SNTG1: variants seen among roughly 807,000 people sequenced by gnomAD.
SNTG1 encodes the protein syntrophin gamma 1.
Under a neutral mutation model 74.7 loss-of-function variants are expected in SNTG1, and 39 were observed. The ratio of observed to expected loss-of-function variants is 0.52; its 90% CI spans 0.40 to 0.68. The LOEUF (loss-of-function observed/expected upper bound fraction) is 0.68. SNTG1 is among the 30% of genes least tolerant of loss of function. The probability of loss-of-function intolerance (pLI) is 0.00; values close to 1 mark genes in which losing one functional copy is unlikely to be tolerated. For synonymous variants in SNTG1, 254 were observed against 217.1 expected (o/e 1.17, Z -1.49); for missense variants, 685 against 609.5 (o/e 1.12, Z -1.30).
chr8:50,520,043 C>G (rs1217295738), intron 9 of SNTG1, among the ~76,000 whole-genome samples: 1 of 152,138 alleles, frequency 6.6e-6, no homozygotes. Flanking sequence ...TCAAACAATA[C>G]TACAAGGCTG....
At position 50,669,113 on chromosome 8, in the gene SNTG1, T is replaced by A. The variant is rs528527778; in HGVS notation, c.1038+10450T>A. ...AAGATCCAAAATTGACACCCTAACA[T>A]CACAATTAAAAGAACTAGAAAAGCG... On this transcript the variant is annotated intron_variant, in intron 15 of 18. Transcript: ENST00000642720. Among the ~76,000 whole-genome samples the A allele has an allele frequency of 2.0e-4, 31 of 151,236 alleles. 1 individual carries two copies. The East Asian group carries it at 3.7e-3, about 18-fold the overall frequency.
chr8:50,732,979 G>C (rs184433698), intron 17 of SNTG1, among the ~76,000 whole-genome samples: 88 of 151,878 alleles, frequency 5.8e-4, no homozygotes, highest in Admixed American at 1.1e-3. Context: ...AAATGTGCAG[G>C]TTTGTTACAT....
intron 2 of SNTG1, among the ~76,000 whole-genome samples, chr8:50,200,074 G>A (rs1225139489): frequency 6.6e-6 from 1 of 152,076 alleles, no homozygotes; most frequent in Non-Finnish European, 1.5e-5. Flanking sequence ...TTTTAGAAAG[G>A]TGTATGTGAC....
intron 2 of SNTG1, among the ~76,000 whole-genome samples, chr8:50,332,887 A>T (rs1239957408): frequency 6.6e-6 from 1 of 152,176 alleles, no homozygotes; most frequent in African/African-American, 2.4e-5. Context: ...ATTTCTTCTC[A>T]AGTACAATTA....
At chr8:50,023,191 T>C (rs1816975025) in intron 1 of SNTG1, among the ~76,000 whole-genome samples, 1 of 152,036 alleles carries the variant, frequency 6.6e-6, no homozygotes, top group South Asian at 2.1e-4. Flanking sequence ...GAGGGACAGA[T>C]GGAAGAGACG....
In SNTG1 at chr8:50,601,152, C is replaced by CAAAAAAAAAAAAAAAAAAAAAA. The variant is rs71235311; in HGVS notation, c.849+10246_849+10267dup. Among the ~76,000 whole-genome samples, 3 of 31,438 alleles carry CAAAAAAAAAAAAAAAAAAAAAA rather than the reference C, an allele frequency of 9.5e-5. 1 individual carries two copies. The highest frequency in any genetic ancestry group is 5.9e-4 in the African/African-American group (3 of 5,080). The allele number at this position is 31,438 out of a possible 152,430, so 20.6% of individuals were successfully genotyped here. A position where few individuals can be genotyped will look rare whatever the true frequency, so the allele number is the denominator to read the frequency against. On this transcript the variant is annotated intron_variant, in intron 13 of 18. Transcript: ENST00000642720. Reference sequence around the variant, plus strand: ...CAGCCTGGTGACAGAGCCAGCGAGACAAAAAAAAAAAAAAAAAAAAAAAAA... The same window carrying CAAAAAAAAAAAAAAAAAAAAAA: ...CAGCCTGGTGACAGAGCCAGCGAGACAAAAAAAAAAAAAAAAAAAAAAAAAAAAAAAAAAAAAAAAAAAAAAA...
chr8:50,071,265 C>G (rs544559382), intron 1 of SNTG1, among the ~76,000 whole-genome samples: 180 of 152,256 alleles, frequency 1.2e-3, no homozygotes, highest in Non-Finnish European at 1.3e-3. Context: ...GTGGCATGAT[C>G]ATAGCTCACT....
chr8:50,324,026 G>A (rs2090635480), intron 2 of SNTG1, among the ~76,000 whole-genome samples: 1 of 152,128 alleles, frequency 6.6e-6, no homozygotes, highest in South Asian at 2.1e-4. Flanking sequence ...GCCCAGCCTA[G>A]CACTAGGATT....
intron 12 of SNTG1, among the ~76,000 whole-genome samples, chr8:50,571,778 G>A (rs1163826481): frequency 6.6e-6 from 1 of 152,162 alleles, no homozygotes; most frequent in African/African-American, 2.4e-5. Context: ...CTCCTACCAG[G>A]CATAGGAGTA....
intron 1 of SNTG1, among the ~76,000 whole-genome samples, chr8:50,088,741 C>T (rs1290572919): frequency 1.5e-4 from 22 of 147,052 alleles, no homozygotes. Flanking sequence ...AACCACTGCT[C>T]AAGGAAATAA....
At chr8:50,596,000 A>G (rs1363988980) in intron 13 of SNTG1, among the ~76,000 whole-genome samples, 1 of 152,000 alleles carries the variant, frequency 6.6e-6, no homozygotes, top group Non-Finnish European at 1.5e-5. Context: ...TAGTAGTGTA[A>G]TAACTCAATA....
chr8:50,598,855 A>AT (rs1166462038), intron 13 of SNTG1, among the ~76,000 whole-genome samples: 4 of 151,722 alleles, frequency 2.6e-5, no homozygotes, highest in African/African-American at 9.7e-5. Flanking sequence ...TTGCTTCCTA[A>AT]TTTTTTTATG....
At chr8:50,472,124 T>G (rs1490340408) in intron 8 of SNTG1, among the ~76,000 whole-genome samples, 2 of 152,154 alleles carry the variant, frequency 1.3e-5, no homozygotes, top group Non-Finnish European at 2.9e-5. Flanking sequence ...AACTACCCAT[T>G]GTAATTTACA....
At chr8:50,009,192 C>G (rs1298237623) in intron 1 of SNTG1, among the ~76,000 whole-genome samples, 1 of 152,060 alleles carries the variant, frequency 6.6e-6, no homozygotes, top group African/African-American at 2.4e-5. Flanking sequence ...TGCTATTTGA[C>G]TGGGGACTGA....
intron 15 of SNTG1, among the ~76,000 whole-genome samples, chr8:50,660,616 C>T (rs10094442): frequency 0.7 from 105,553 of 151,808 alleles, 38,703 homozygotes; most frequent in East Asian, 0.9. Context: ...ATAGTAATAA[C>T]GCAACACATA....
intron 13 of SNTG1, among the ~76,000 whole-genome samples, chr8:50,650,055 C>G (rs563579509): frequency 6.6e-6 from 1 of 150,884 alleles, no homozygotes; most frequent in African/African-American, 2.4e-5. Flanking sequence ...AGTGTATATT[C>G]CTGTATTGTT....
intron 15 of SNTG1, among the ~76,000 whole-genome samples, chr8:50,696,051 C>G (rs2095403875): frequency 6.6e-6 from 1 of 151,850 alleles, no homozygotes; most frequent in East Asian, 1.9e-4. Flanking sequence ...ATATTGTTTT[C>G]CATAAAGTTT....
chr8:50,159,774 A>ATC, intron 1 of SNTG1, among the ~76,000 whole-genome samples: 1 of 152,152 alleles, frequency 6.6e-6, no homozygotes, highest in Non-Finnish European at 1.5e-5. Context: ...GTTCACAGGC[A>ATC]TCCTCTCATT....
At chr8:50,036,050 C>T (rs764508819) in intron 1 of SNTG1, among the ~76,000 whole-genome samples, 3 of 152,180 alleles carry the variant, frequency 2.0e-5, no homozygotes, top group Non-Finnish European at 4.4e-5. Flanking sequence ...ATCACTTTCT[C>T]TTCACAACTC....
Sources: gnomAD v4.1 joint callset for allele counts (sites outside exome capture counted in the v4.1 genomes callset) on GRCh38, gnomAD v4.1.1 for gene constraint, MANE v1.5 for transcripts, NCBI Gene and HGNC (gene_info 2026-07-23, HGNC 2026-07-21) for gene names.